The following DNAJC5B variants were observed in gnomAD, a reference collection of about 807,000 sequenced individuals.
The protein encoded by DNAJC5B is DnaJ heat shock protein family (Hsp40) member C5 beta, also known as dnaJ homolog subfamily C member 5B.
Under a neutral mutation model 24.7 loss-of-function variants are expected in DNAJC5B, and 23 were observed. That is an observed-to-expected ratio of 0.93 (90% confidence interval 0.67 to 1.32). The LOEUF (loss-of-function observed/expected upper bound fraction) is 1.32, where lower values mean the gene tolerates loss of function less well. DNAJC5B is among the 40% of genes most tolerant of loss of function. The pLI is 0.00. For synonymous variants in DNAJC5B, 101 were observed against 90.1 expected, an observed-to-expected ratio of 1.12 and a Z score of -0.68; for missense variants, 238 against 240.8, an observed-to-expected ratio of 0.99 and a Z score of 0.08.
At chr8:66,037,416 C>G (rs1806511485) in intron 1 of DNAJC5B, among the ~76,000 whole-genome samples, 2 of 152,078 alleles carry the variant, frequency 1.3e-5, no homozygotes, top group Non-Finnish European at 2.9e-5. Context: ...TCCAGAGAGA[C>G]CTGAGACCTG....
chr8:66,096,000 T>C (rs981120365), intron 5 of DNAJC5B, among the ~76,000 whole-genome samples: 2 of 152,214 alleles, frequency 1.3e-5, no homozygotes, highest in Non-Finnish European at 2.9e-5. Flanking sequence ...GTTCCATATA[T>C]GTCTATTGAA....
At chr8:66,033,950 C>T (rs1196154950) in intron 1 of DNAJC5B, among the ~76,000 whole-genome samples, 2 of 152,108 alleles carry the variant, frequency 1.3e-5, no homozygotes, top group Non-Finnish European at 2.9e-5. Flanking sequence ...AAAATCACTG[C>T]AACGCTTGAC....
chr8:66,080,355 T>G (rs770932147), intron 4 of DNAJC5B, 22 bp from the exon 5 acceptor site: 1 of 1,602,320 alleles, frequency 6.2e-7, no homozygotes, highest in South Asian at 1.1e-5. Flanking sequence ...ATCCTCATTT[T>G]GCTTTACCTC....
intron 3 of DNAJC5B, among the ~76,000 whole-genome samples, chr8:66,064,638 G>C (rs767737894): frequency 6.6e-6 from 1 of 152,124 alleles, no homozygotes; most frequent in Non-Finnish European, 1.5e-5. Flanking sequence ...TGGGAGCTTG[G>C]GCCAGATACA....
At chr8:66,045,513 G>C (rs968843910) in intron 2 of DNAJC5B, among the ~76,000 whole-genome samples, 4 of 152,158 alleles carry the variant, frequency 2.6e-5, no homozygotes, top group Admixed American at 1.3e-4. Context: ...GCTAGCTACT[G>C]TGTCTTCCCG....
At chr8:66,024,458 G>T (rs1806211924) in intron 1 of DNAJC5B, among the ~76,000 whole-genome samples, 2 of 135,648 alleles carry the variant, frequency 1.5e-5, no homozygotes, top group African/African-American at 3.0e-5. Flanking sequence ...TAAGTTTTAG[G>T]GTACATGTGC....
intron 1 of DNAJC5B, among the ~76,000 whole-genome samples, chr8:66,039,500 C>T (rs528026668): frequency 2.0e-5 from 3 of 152,030 alleles, no homozygotes; most frequent in Non-Finnish European, 4.4e-5. Flanking sequence ...AGGTGCCCAC[C>T]ACCATGCCTG....
chr8:66,075,959 A>T (rs1392614948), intron 3 of DNAJC5B, among the ~76,000 whole-genome samples: 1 of 152,250 alleles, frequency 6.6e-6, no homozygotes, highest in East Asian at 1.9e-4. Context: ...TGATAGGCAC[A>T]GTAGGGAGAT....
chr8:66,048,851 A>G (rs952585373), intron 2 of DNAJC5B, among the ~76,000 whole-genome samples: 9 of 152,170 alleles, frequency 5.9e-5, no homozygotes, highest in Admixed American at 4.6e-4. Flanking sequence ...CTCTCACTCA[A>G]GTTAAGCACT....
chr8:66,033,800 A>G (rs926725215), intron 1 of DNAJC5B, among the ~76,000 whole-genome samples: 2 of 130,878 alleles, frequency 1.5e-5, no homozygotes, highest in African/African-American at 6.1e-5. Context: ...TTTTGGTAGC[A>G]TAAAGGGTAA....
At chr8:66,052,559 A>C (rs1199859359) in intron 3 of DNAJC5B, among the ~76,000 whole-genome samples, 1 of 152,208 alleles carries the variant, frequency 6.6e-6, no homozygotes, top group African/African-American at 2.4e-5. Flanking sequence ...AAGCACAAAA[A>C]AAATCATCTT....
At chr8:66,034,734 T>G (rs1194192133) in intron 1 of DNAJC5B, among the ~76,000 whole-genome samples, 1 of 151,728 alleles carries the variant, frequency 6.6e-6, no homozygotes, top group African/African-American at 2.4e-5. Context: ...AAGAATATGG[T>G]GGAGTTGTCA....
At chr8:66,043,976 G>A (rs886604736) in intron 2 of DNAJC5B, among the ~76,000 whole-genome samples, 3 of 151,786 alleles carry the variant, frequency 2.0e-5, no homozygotes, top group African/African-American at 4.8e-5. Flanking sequence ...ACAGGCACCC[G>A]CTACCACAGC....
Position 66,076,725 on chromosome 8 carries a change from A to G in DNAJC5B, c.185A>G (p.Lys62Arg). The part of the protein sequence containing the change: ...PDDPAATEKF[K>R]EINNAHAILT... ...GATCCAGCTGCTACTGAGAAGTTTAAAGAAATCAACAACGCCCACGCAATA... is the reference window on the plus strand; with the variant it reads ...GATCCAGCTGCTACTGAGAAGTTTAGAGAAATCAACAACGCCCACGCAATA... The change falls in exon 4 of 6, where the codon AAA becomes AGA. Residue 62 changes from lysine (K) to arginine (R), a missense_variant. Transcript: ENST00000276570. The G allele has an allele frequency of 6.2e-7, 1 of 1,614,176 alleles. No homozygotes were observed. The highest frequency in any genetic ancestry group is 8.5e-7 in the Non-Finnish European group (1 of 1,180,022).
intron 1 of DNAJC5B, among the ~76,000 whole-genome samples, chr8:66,041,432 C>T (rs1806605541): frequency 6.6e-6 from 1 of 152,132 alleles, no homozygotes; most frequent in South Asian, 2.1e-4. Flanking sequence ...CTTAAAATAG[C>T]CCTAACCATA....
At chr8:66,096,827 T>C (rs928779061) in intron 5 of DNAJC5B, among the ~76,000 whole-genome samples, 14 of 152,160 alleles carry the variant, frequency 9.2e-5, no homozygotes, top group African/African-American at 3.4e-4. Flanking sequence ...ACTATATCCA[T>C]TGGTATTTAT....
intron 5 of DNAJC5B, among the ~76,000 whole-genome samples, chr8:66,095,358 A>G (rs1434405865): frequency 1.3e-5 from 2 of 151,842 alleles, no homozygotes; most frequent in Non-Finnish European, 2.9e-5. Flanking sequence ...TAGTATCTGC[A>G]TGATTATTCT....
upstream of DNAJC5B, among the ~76,000 whole-genome samples, chr8:66,017,240 T>C (rs976131596): frequency 1.3e-5 from 2 of 152,248 alleles, no homozygotes; most frequent in East Asian, 1.9e-4. Context: ...CCAATAGTTT[T>C]AGAGCATTCA....
At chr8:66,022,553 G>T (rs897542227) in intron 1 of DNAJC5B, among the ~76,000 whole-genome samples, 15 of 152,178 alleles carry the variant, frequency 9.9e-5, no homozygotes, top group African/African-American at 3.6e-4. Context: ...GTTCTGACAG[G>T]TAGGTCAGTT....
Sources: gnomAD v4.1 joint callset for allele counts (sites outside exome capture counted in the v4.1 genomes callset) on GRCh38, gnomAD v4.1.1 for gene constraint, MANE v1.5 for transcripts, NCBI Gene and HGNC (gene_info 2026-07-23, HGNC 2026-07-21) for gene names.